The following NCAM2 variants were observed in gnomAD, a reference collection of about 807,000 sequenced individuals.
The protein encoded by NCAM2 is neural cell adhesion molecule 2.
NCAM2 carries 30 observed loss-of-function variants against 98.1 expected under a neutral mutation model. That is an observed-to-expected ratio of 0.31 (90% CI 0.23 to 0.41). The LOEUF (loss-of-function observed/expected upper bound fraction) is 0.41, where lower values mean the gene tolerates loss of function less well. Ranked by LOEUF, NCAM2 falls within the 10% of genes least tolerant of loss-of-function variation. The probability of loss-of-function intolerance (pLI) is 1.00; values close to 1 mark genes in which losing one functional copy is unlikely to be tolerated. For synonymous variants in NCAM2, 368 were observed against 342.4 expected (o/e 1.07, Z -0.83); for missense variants, 867 against 1,005.8 (o/e 0.86, Z 1.87).
At chr21:21,482,048 A>G (rs1008973549) in intron 15 of NCAM2, among the ~76,000 whole-genome samples, 1 of 152,118 alleles carries the variant, frequency 6.6e-6, no homozygotes, top group Non-Finnish European at 1.5e-5. Flanking sequence ...CAATGAGCCA[A>G]GATCGCGCCA....
At chr21:21,398,985 C>T (rs1414919342) in intron 9 of NCAM2, among the ~76,000 whole-genome samples, 1 of 152,062 alleles carries the variant, frequency 6.6e-6, no homozygotes, top group Non-Finnish European at 1.5e-5. Flanking sequence ...CATATTAAGT[C>T]AGTACAAATT....
At chr21:21,377,226 T>C (rs1261317355) in intron 9 of NCAM2, among the ~76,000 whole-genome samples, 1 of 151,664 alleles carries the variant, frequency 6.6e-6, no homozygotes, top group Admixed American at 6.6e-5. Context: ...TAATGTAAAA[T>C]ATGAGTTTTG....
At chr21:21,346,248 A>G (rs1166781899) in intron 8 of NCAM2, among the ~76,000 whole-genome samples, 1 of 151,928 alleles carries the variant, frequency 6.6e-6, no homozygotes, top group Admixed American at 6.6e-5. Flanking sequence ...ACTTATGTCA[A>G]ACAAAATAGA....
chr21:21,516,634 T>C (rs188666785), intron 16 of NCAM2, among the ~76,000 whole-genome samples: 92 of 152,212 alleles, frequency 6.0e-4, no homozygotes, highest in Admixed American at 2.4e-3. Context: ...GCTCTTTCTA[T>C]TGAGAAAATC....
In NCAM2 at chr21:21,302,757, C is replaced by T. The variant is rs554995833; in HGVS notation, c.619+10516C>T. ...CAGCAATCTCTTTACTGGGTATATA[C>T]CCAAAGGAATATAGATCATTATACC... On this transcript the variant is annotated intron_variant, in intron 5 of 17. Coordinates refer to ENST00000400546, the MANE Select transcript of NCAM2 (RefSeq NM_004540.5). Among the ~76,000 whole-genome samples, 7 of 152,172 alleles carry T rather than the reference C, an allele frequency of 4.6e-5. No homozygotes were observed. In the South Asian group the frequency reaches 1.5e-3, roughly 32 times the overall value.
intron 10 of NCAM2, among the ~76,000 whole-genome samples, chr21:21,410,692 TATAA>T (rs986358925): frequency 6.6e-6 from 1 of 151,918 alleles, no homozygotes; most frequent in Admixed American, 6.6e-5. Flanking sequence ...CCATTATTTT[TATAA>T]ATGCACTTTT....
At chr21:21,408,744 C>T (rs1260665673) in intron 9 of NCAM2, among the ~76,000 whole-genome samples, 3 of 151,902 alleles carry the variant, frequency 2.0e-5, no homozygotes, top group Non-Finnish European at 4.4e-5. Context: ...TCCTTCCTTA[C>T]AAGGTTATTA....
intron 15 of NCAM2, among the ~76,000 whole-genome samples, chr21:21,495,944 A>G (rs1442494495): frequency 6.6e-6 from 1 of 150,566 alleles, no homozygotes; most frequent in Non-Finnish European, 1.5e-5. Context: ...TAATTTCTAA[A>G]TGATGTATCT....
At chr21:21,526,509 T>C (rs1411126761) in intron 16 of NCAM2, among the ~76,000 whole-genome samples, 3 of 152,086 alleles carry the variant, frequency 2.0e-5, no homozygotes, top group Non-Finnish European at 4.4e-5. Flanking sequence ...TTATTTCATG[T>C]TCATGGATAG....
At chr21:21,242,762 T>G (rs1320387108) in intron 1 of NCAM2, among the ~76,000 whole-genome samples, 1 of 152,216 alleles carries the variant, frequency 6.6e-6, no homozygotes, top group Non-Finnish European at 1.5e-5. Context: ...TTTCCATATC[T>G]TAACTAATGT....
chr21:21,364,320 A>T (rs2826815), intron 8 of NCAM2, among the ~76,000 whole-genome samples: 33,657 of 151,898 alleles, frequency 0.22, 4,101 homozygotes, highest in East Asian at 0.28. Flanking sequence ...CCTGAGGATC[A>T]TTCAAAGCTC....
At chr21:21,456,958 T>C (rs1308545031) in intron 12 of NCAM2, among the ~76,000 whole-genome samples, 1 of 152,212 alleles carries the variant, frequency 6.6e-6, no homozygotes, top group Non-Finnish European at 1.5e-5. Flanking sequence ...TTCTCTTGTT[T>C]ATAAGCCACT....
intron 12 of NCAM2, among the ~76,000 whole-genome samples, chr21:21,442,387 C>T (rs1339260617): frequency 1.6e-4 from 25 of 152,088 alleles, no homozygotes; most frequent in East Asian, 1.9e-4. Context: ...TGGAAATAAA[C>T]GAAATAAAGA....
rs138624390 is a variant in NCAM2, at chr21:21,002,328, G to C, written c.55+3710G>C. Among the ~76,000 whole-genome samples the C allele has an allele frequency of 8.7e-4, 133 of 152,114 alleles. 2 individuals are homozygous for C. In the East Asian group the frequency reaches 0.023, roughly 26 times the overall value. ...CACAGGGAGCTAATTTTCTCCCCGA[G>C]GTACTGTCCTACTAGAGAAGCAATT... On this transcript the variant is annotated intron_variant, in intron 1 of 17. Coordinates refer to ENST00000400546, the MANE Select transcript of NCAM2 (RefSeq NM_004540.5).
chr21:21,422,025 G>A (rs911175146), intron 11 of NCAM2, among the ~76,000 whole-genome samples: 19 of 152,232 alleles, frequency 1.2e-4, no homozygotes, highest in African/African-American at 4.1e-4. Context: ...GTAGGGTGAA[G>A]CACAGAAGCC....
At chr21:21,205,493 G>A (rs950093003) in intron 1 of NCAM2, among the ~76,000 whole-genome samples, 1 of 151,956 alleles carries the variant, frequency 6.6e-6, no homozygotes, top group Non-Finnish European at 1.5e-5. Context: ...TTTAAGTTTA[G>A]ATAATTTTTA....
rs192397378 is a variant in NCAM2, at chr21:21,394,785, G to A, written c.1196-15489G>A. Among the ~76,000 whole-genome samples, 983 of 151,884 alleles carry A rather than the reference G, an allele frequency of 6.5e-3. 5 individuals are homozygous for A. Among genetic ancestry groups the A allele is most frequent in the Admixed American group, 0.011 (170 of 15,254 alleles). On this transcript the variant is annotated intron_variant, in intron 9 of 17. Coordinates refer to ENST00000400546, the MANE Select transcript of NCAM2 (RefSeq NM_004540.5). ...AGCTTCTTTACAAAATAATTATAAA[G>A]GTCTAAGAAAGACAATCTATTACAA...
chr21:21,352,732 T>C (rs1475649594), intron 8 of NCAM2, among the ~76,000 whole-genome samples: 1 of 146,918 alleles, frequency 6.8e-6, no homozygotes, highest in African/African-American at 2.5e-5. Flanking sequence ...TTTCTAGTTA[T>C]ACATTTAGAA....
At chr21:21,250,850 G>T (rs968578644) in intron 1 of NCAM2, among the ~76,000 whole-genome samples, 1 of 152,144 alleles carries the variant, frequency 6.6e-6, no homozygotes, top group East Asian at 1.9e-4. Flanking sequence ...AGTATTTAAC[G>T]AATTTCTTTC....
Sources: gnomAD v4.1 joint callset for allele counts (sites outside exome capture counted in the v4.1 genomes callset) on GRCh38, gnomAD v4.1.1 for gene constraint, MANE v1.5 for transcripts, NCBI Gene and HGNC (gene_info 2026-07-23, HGNC 2026-07-21) for gene names.